The following MAGI2 variants were observed in gnomAD, a reference collection of about 807,000 sequenced individuals.
MAGI2 encodes membrane-associated guanylate kinase, WW and PDZ domain-containing protein 2.
Under a neutral mutation model 133.3 loss-of-function variants are expected in MAGI2, and 35 were observed. The observed-to-expected ratio is 0.26, with a 90% CI of 0.20 to 0.35. The LOEUF is 0.35. MAGI2 is among the 10% of genes least tolerant of loss of function. The pLI, the probability that MAGI2 is intolerant of heterozygous loss-of-function variation, is 1.00. For synonymous variants in MAGI2, 729 were observed against 710.6 expected (o/e 1.03, Z -0.41); for missense variants, 1,636 against 1,863.4 (o/e 0.88, Z 2.25).
chr7:78,572,966 T>C (rs1320382515), intron 3 of MAGI2, among the ~76,000 whole-genome samples: 1 of 144,072 alleles, frequency 6.9e-6, no homozygotes, highest in African/African-American at 2.6e-5. Context: ...CTTGTGATTT[T>C]AAAGTTTCTG....
intron 1 of MAGI2, among the ~76,000 whole-genome samples, chr7:79,041,145 G>C (rs1811627886): frequency 6.6e-6 from 1 of 152,106 alleles, no homozygotes; most frequent in Non-Finnish European, 1.5e-5. Context: ...GTGAGCCACT[G>C]TTCCTCCTCC....
rs779222589 is a variant in MAGI2, at chr7:78,209,353, A to C, written c.2048-8160T>G. Among the ~76,000 whole-genome samples, 87 of 139,972 alleles carry C rather than the reference A, an allele frequency of 6.2e-4. 1 individual carries two copies. The highest frequency in any genetic ancestry group is 1.2e-3 in the South Asian group (5 of 4,074). 91.8% of individuals were successfully genotyped at this position (139,972 alleles called of 152,430 possible). ...CTCGGCTCACTGCAAGCTCCGCCTT[A>C]CGGGTTCAGGCCATTCTCCTGTCTC... On this transcript the variant is annotated intron_variant, in intron 10 of 21. Transcript: ENST00000354212.
intron 2 of MAGI2, among the ~76,000 whole-genome samples, chr7:78,723,493 C>A (rs141074481): frequency 6.6e-6 from 1 of 151,986 alleles, no homozygotes; most frequent in African/African-American, 2.4e-5. Context: ...GGGGGAGAGG[C>A]AATGACAACA....
intron 7 of MAGI2, 25 bp from the exon 8 acceptor site, chr7:78,346,068 G>C: frequency 1.4e-5 from 23 of 1,613,310 alleles, no homozygotes; most frequent in Non-Finnish European, 1.9e-5. Context: ...TTCAGATTAG[G>C]ATAACCGTGG....
chr7:79,131,726 A>G (rs1290251704), intron 1 of MAGI2, among the ~76,000 whole-genome samples: 5 of 152,210 alleles, frequency 3.3e-5, no homozygotes, highest in Admixed American at 1.3e-4. Context: ...ATAGTATTGT[A>G]GCATGTCTTT....
At chr7:79,167,950 G>T (rs1007642952) in intron 1 of MAGI2, among the ~76,000 whole-genome samples, 1 of 152,082 alleles carries the variant, frequency 6.6e-6, no homozygotes, top group Non-Finnish European at 1.5e-5. Flanking sequence ...CCGCTTAAAG[G>T]CGTTCTTAAA....
chr7:79,443,265 T>C, intron 1 of MAGI2, among the ~76,000 whole-genome samples: 1 of 32,800 alleles, frequency 3.0e-5, no homozygotes, highest in East Asian at 5.5e-4. Flanking sequence ...GTGTTTGAAG[T>C]GTGTGTGTGT....
At chr7:78,118,747 C>T (rs12531273) in intron 20 of MAGI2, among the ~76,000 whole-genome samples, 83,111 of 151,960 alleles carry the variant, frequency 0.55, 23,035 homozygotes, top group African/African-American at 0.64. Context: ...TCAATCGTCA[C>T]TGGTGGGAAT....
intron 3 of MAGI2, among the ~76,000 whole-genome samples, chr7:78,564,703 C>T (rs563690648): frequency 1.3e-5 from 2 of 148,470 alleles, no homozygotes; most frequent in East Asian, 2.0e-4. Flanking sequence ...ATGGGTTTGG[C>T]GATCATTTAG....
intron 1 of MAGI2, among the ~76,000 whole-genome samples, chr7:79,327,403 C>T (rs901310520): frequency 1.3e-5 from 2 of 152,042 alleles, no homozygotes; most frequent in African/African-American, 4.8e-5. Context: ...GACGAGATAG[C>T]GAGATTGCTC....
At chr7:79,030,577 T>A (rs1247984548) in intron 1 of MAGI2, among the ~76,000 whole-genome samples, 1 of 152,154 alleles carries the variant, frequency 6.6e-6, no homozygotes, top group South Asian at 2.1e-4. Flanking sequence ...GATGCAAACA[T>A]GCTAAATGCA....
chr7:79,165,050 T>A (rs906508827), intron 1 of MAGI2, among the ~76,000 whole-genome samples: 50 of 152,226 alleles, frequency 3.3e-4, no homozygotes, highest in Middle Eastern at 3.4e-3. Context: ...AATCAGAATG[T>A]TTAGGAACTC....
intron 2 of MAGI2, among the ~76,000 whole-genome samples, chr7:78,839,315 G>T (rs568870007): frequency 6.6e-6 from 1 of 152,096 alleles, no homozygotes; most frequent in South Asian, 2.1e-4. Flanking sequence ...ATGCTGGGTG[G>T]GCCCAGCTAT....
At chr7:78,496,099 T>C (rs1794065428) in intron 5 of MAGI2, among the ~76,000 whole-genome samples, 1 of 152,204 alleles carries the variant, frequency 6.6e-6, no homozygotes, top group Non-Finnish European at 1.5e-5. Context: ...TGTTTAACGT[T>C]TTTTGGAAAT....
intron 3 of MAGI2, among the ~76,000 whole-genome samples, chr7:78,530,151 C>A (rs1183850924): frequency 2.0e-5 from 3 of 152,092 alleles, no homozygotes; most frequent in Non-Finnish European, 2.9e-5. Context: ...TTCTCACAAA[C>A]AATAAACCGA....
chr7:79,319,636 G>T (rs1425129779), intron 1 of MAGI2, among the ~76,000 whole-genome samples: 1 of 152,114 alleles, frequency 6.6e-6, no homozygotes, highest in Non-Finnish European at 1.5e-5. Flanking sequence ...CAGAAAATAT[G>T]AGCCATGATA....
chr7:78,954,768 A>G (rs1802153586), intron 2 of MAGI2, among the ~76,000 whole-genome samples: 1 of 152,198 alleles, frequency 6.6e-6, no homozygotes, highest in East Asian at 1.9e-4. Flanking sequence ...ATGAGGGAGT[A>G]TGGTAGTTGT....
intron 1 of MAGI2, among the ~76,000 whole-genome samples, chr7:79,348,830 T>G (rs1841494432): frequency 6.6e-6 from 1 of 151,896 alleles, no homozygotes; most frequent in African/African-American, 2.4e-5. Flanking sequence ...TTTGAAGCTT[T>G]AACAACATAA....
chr7:79,127,671 T>A (rs1377010485), intron 1 of MAGI2, among the ~76,000 whole-genome samples: 3 of 152,222 alleles, frequency 2.0e-5, no homozygotes, highest in Non-Finnish European at 4.4e-5. Context: ...GTAAATTTGT[T>A]TGAGTTCATT....
Sources: allele counts gnomAD v4.1 joint callset (sites outside exome capture counted in the v4.1 genomes callset), GRCh38; gene constraint gnomAD v4.1.1; transcripts MANE v1.5; gene names NCBI Gene and HGNC (gene_info 2026-07-23, HGNC 2026-07-21).